The following CDH12 variants were observed in gnomAD, a reference collection of about 807,000 sequenced individuals.
The protein encoded by CDH12 is cadherin 12.
CDH12 carries 41 observed loss-of-function variants against 74.1 expected under a neutral mutation model. The ratio of observed to expected loss-of-function variants is 0.55; its 90% CI spans 0.43 to 0.72. CDH12 has a LOEUF of 0.72. CDH12 is among the 30% of genes least tolerant of loss of function. The pLI is 0.00. For synonymous variants in CDH12, 399 were observed against 355.0 expected (o/e 1.12, Z -1.39); for missense variants, 945 against 977.2 (o/e 0.97, Z 0.44).
In CDH12 at chr5:22,078,673, G is replaced by A; in HGVS notation, c.4C>T (p.Leu2Phe). 1 of 1,613,374 alleles carries A rather than the reference G, an allele frequency of 6.2e-7. No individual in the cohort carries two copies. Among genetic ancestry groups the A allele is most frequent in the East Asian group, 2.2e-5 (1 of 44,860 alleles). The change falls in exon 5 of 15, where the codon CTT (leucine) becomes TTT (phenylalanine). Residue 2 changes from leucine to phenylalanine, a missense_variant. By Grantham distance (22) the Leu-to-Phe change is conservative (BLOSUM62 0). Coordinates refer to ENST00000382254, the MANE Select transcript of CDH12 (RefSeq NM_004061.5). MLTRNCLSLLLW... is the reference protein window; with the variant it reads MFTRNCLSLLLW... ...AGCAGGGATAAACAGTTCCTTGTAA[G>A]CATTGGCAAAGGCTTTCCTACAGCA...
At chr5:22,214,013 A>G (rs1751695144) in intron 3 of CDH12, among the ~76,000 whole-genome samples, 1 of 152,072 alleles carries the variant, frequency 6.6e-6, no homozygotes, top group Middle Eastern at 3.4e-3. Flanking sequence ...ATTTATATAT[A>G]TCTTAGAAAA....
At chr5:21,857,773 C>A (rs745801679) in intron 6 of CDH12, among the ~76,000 whole-genome samples, 8 of 151,824 alleles carry the variant, frequency 5.3e-5, no homozygotes, top group African/African-American at 7.2e-5. Flanking sequence ...TTGGTCAGCT[C>A]AGGCTGCAAT....
rs529126774 is a variant in CDH12 at position 21,803,281 on chromosome 5, G to C, written c.1003-861C>G. ...AGATCTTTTTTTATTTTTTTTACTA[G>C]TAAATGTCTGTATCAGTATTTAAAA... On this transcript the variant is annotated intron_variant, in intron 9 of 14. Transcript: ENST00000382254. Among the ~76,000 whole-genome samples, 498 of 151,568 alleles carry C rather than the reference G, an allele frequency of 3.3e-3. 3 individuals carry two copies. The highest frequency in any genetic ancestry group is 0.011 in the African/African-American group (459 of 41,302).
At position 21,780,734 on chromosome 5, in the gene CDH12, G is replaced by A. The variant is rs1455603879; in HGVS notation, c.1393+2624C>T. Among the ~76,000 whole-genome samples, 3 of 152,038 alleles carry A rather than the reference G, an allele frequency of 2.0e-5. No individual in the cohort carries two copies. In the East Asian group the frequency reaches 5.8e-4, roughly 29 times the overall value. On this transcript the variant is annotated intron_variant, in intron 11 of 14. Transcript: ENST00000382254. ...GAGTGAAAGTAACATGGTTCACAGA[G>A]GTCTTCTATTCTGTAACTTAGACAA...
At position 21,752,226 on chromosome 5, in the gene CDH12, T is replaced by C. The variant is rs760897862; in HGVS notation, c.1896A>G (p.Val632=). The change falls in exon 15 of 15, where the codon GTA becomes GTG. Residue 632 remains valine (V), a synonymous_variant. Coordinates refer to ENST00000382254, the MANE Select transcript of CDH12 (RefSeq NM_004061.5). ...LCIVILLAIV[V]LYVALRRQKK... Reference sequence around the variant, plus strand: ...TCTGCCTTCGCAGTGCTACATACAGTACAACTATGGCTGGAACAAGACAAA... The same window carrying C: ...TCTGCCTTCGCAGTGCTACATACAGCACAACTATGGCTGGAACAAGACAAA... The C allele has an allele frequency of 1.3e-6, 2 of 1,596,806 alleles. No individual in the cohort carries two copies. The highest frequency in any genetic ancestry group is 1.7e-6 in the Non-Finnish European group (2 of 1,171,776).
chr5:22,694,820 CAT>C (rs1397956161), intron 1 of CDH12, among the ~76,000 whole-genome samples: 3 of 151,184 alleles, frequency 2.0e-5, no homozygotes, highest in Non-Finnish European at 4.4e-5. Context: ...CATATATATA[CAT>C]ATATATGTAT....
At chr5:22,632,390 C>A (rs1262688914) in intron 1 of CDH12, among the ~76,000 whole-genome samples, 2 of 151,788 alleles carry the variant, frequency 1.3e-5, no homozygotes, top group Non-Finnish European at 2.9e-5. Context: ...AAAAAAAGAA[C>A]TGAAAAATTG....
intron 4 of CDH12, among the ~76,000 whole-genome samples, chr5:22,095,491 C>T (rs1009101747): frequency 3.3e-5 from 5 of 152,086 alleles, no homozygotes; most frequent in African/African-American, 9.7e-5. Flanking sequence ...AGAACACCTG[C>T]CTTGGTCCTT....
intron 6 of CDH12, among the ~76,000 whole-genome samples, chr5:21,917,946 A>G (rs1433181274): frequency 6.6e-6 from 1 of 152,196 alleles, no homozygotes; most frequent in Non-Finnish European, 1.5e-5. Context: ...CAGTTGTAAC[A>G]TCTTACTGGT....
intron 3 of CDH12, among the ~76,000 whole-genome samples, chr5:22,263,864 G>A (rs1279118687): frequency 6.6e-6 from 1 of 151,972 alleles, no homozygotes; most frequent in Non-Finnish European, 1.5e-5. Context: ...AAGGTGTCAT[G>A]ATTACCCAAT....
At chr5:22,302,139 ACT>A in intron 3 of CDH12, among the ~76,000 whole-genome samples, 1 of 152,226 alleles carries the variant, frequency 6.6e-6, no homozygotes, top group African/African-American at 2.4e-5. Context: ...TAAAAAGAAA[ACT>A]CATTTCAGAC....
chr5:21,848,330 C>T (rs1579827895), intron 7 of CDH12, among the ~76,000 whole-genome samples: 1 of 151,830 alleles, frequency 6.6e-6, no homozygotes, highest in Non-Finnish European at 1.5e-5. Flanking sequence ...TATTTTAATG[C>T]ACAAATATGT....
chr5:22,420,131 C>A (rs1442819211), intron 2 of CDH12, among the ~76,000 whole-genome samples: 2 of 151,984 alleles, frequency 1.3e-5, no homozygotes, highest in Admixed American at 1.3e-4. Context: ...GTTGTCTGTT[C>A]ACTCTGATGC....
intron 3 of CDH12, among the ~76,000 whole-genome samples, chr5:22,242,401 C>T (rs1245967290): frequency 6.6e-6 from 1 of 152,100 alleles, no homozygotes; most frequent in Admixed American, 6.5e-5. Context: ...TATAACTCCT[C>T]ATTTTAGCTA....
At chr5:22,426,787 AT>A (rs1160813760) in intron 2 of CDH12, among the ~76,000 whole-genome samples, 13 of 152,162 alleles carry the variant, frequency 8.5e-5, no homozygotes, top group African/African-American at 3.1e-4. Context: ...CACTTGTATT[AT>A]TATACATGGT....
At chr5:22,094,739 CCT>C (rs1053247214) in intron 4 of CDH12, among the ~76,000 whole-genome samples, 2 of 152,132 alleles carry the variant, frequency 1.3e-5, no homozygotes, top group African/African-American at 4.8e-5. Context: ...CATCATATCC[CCT>C]GTGACCTGCA....
intron 1 of CDH12, among the ~76,000 whole-genome samples, chr5:22,579,901 C>T (rs1739993509): frequency 6.6e-6 from 1 of 152,112 alleles, no homozygotes; most frequent in South Asian, 2.1e-4. Flanking sequence ...CCCCTGAGCT[C>T]TTCGAAGAGG....
At position 22,505,283 on chromosome 5, in the gene CDH12, G is replaced by A. The variant is rs1183096977; in HGVS notation, c.-441C>T. 1 of 980,808 alleles carries A rather than the reference G, an allele frequency of 1.0e-6. No individual in the cohort carries two copies. Among genetic ancestry groups the A allele is most frequent in the Non-Finnish European group, 1.2e-6 (1 of 825,948 alleles). 60.8% of individuals were successfully genotyped at this position (980,808 alleles called of 1,614,324 possible). A position where few individuals can be genotyped will look rare whatever the true frequency, so the allele number is the denominator to read the frequency against. ...TTTTTTACCTACCTTTAAAAAGGCT[G>A]GCATTCTTTAAAACTCCCAACTGCT... On this transcript the variant is annotated 5_prime_UTR_variant, in exon 2 of 15. Coordinates refer to ENST00000382254, the MANE Select transcript of CDH12 (RefSeq NM_004061.5).
chr5:22,092,732 A>T (rs1230067058), intron 4 of CDH12, among the ~76,000 whole-genome samples: 1 of 152,092 alleles, frequency 6.6e-6, no homozygotes, highest in Non-Finnish European at 1.5e-5. Context: ...ATGATCCAGA[A>T]ATTTCACTCT....
Sources: allele counts gnomAD v4.1 joint callset (sites outside exome capture counted in the v4.1 genomes callset), GRCh38; gene constraint gnomAD v4.1.1; transcripts MANE v1.5; gene names NCBI Gene and HGNC (gene_info 2026-07-23, HGNC 2026-07-21).